Variants in MTA1 observed in about 807,000 individuals in gnomAD.
The protein encoded by MTA1 is metastasis associated 1.
Under a neutral mutation model 97.0 loss-of-function variants are expected in MTA1, and 15 were observed. That is an observed-to-expected ratio of 0.15 (90% CI 0.10 to 0.24). The LOEUF (loss-of-function observed/expected upper bound fraction) is 0.24. Ranked by LOEUF, MTA1 falls within the 10% of genes least tolerant of loss-of-function variation. The probability of loss-of-function intolerance (pLI) is 1.00; values close to 1 mark genes in which losing one functional copy is unlikely to be tolerated. For synonymous variants in MTA1, 435 were observed against 417.5 expected (o/e 1.04, Z -0.51); for missense variants, 709 against 1,015.1 (o/e 0.70, Z 4.10).
chr14:105,445,592 C>T (rs1465077768), intron 3 of MTA1, 81 bp downstream of exon 3: 5 of 1,441,500 alleles, frequency 3.5e-6, no homozygotes, highest in South Asian at 2.3e-5. Flanking sequence ...TTCCCTAGGG[C>T]CCATCGGCAT....
At chr14:105,427,918 C>T (rs1033176913) in intron 1 of MTA1, among the ~76,000 whole-genome samples, 10 of 140,682 alleles carry the variant, frequency 7.1e-5, no homozygotes, top group Admixed American at 3.5e-4. Context: ...CTTGGGAGGC[C>T]GAGGCATGAG....
chr14:105,464,502 T>TA lies in MTA1; in HGVS notation c.1280dup (p.Tyr427Ter). 6.2e-7 allele frequency: 1 copy of TA among 1,613,408 alleles called. No homozygotes were observed. The highest frequency in any genetic ancestry group is 8.5e-7 in the Non-Finnish European group (1 of 1,179,948). Residue 427 changes from tyrosine to a stop codon, truncating the protein, a stop_gained and frameshift_variant, in exon 14 of 21, where the codon TAT (tyrosine) becomes TAAT (stop). Transcript: ENST00000331320. LOFTEE classifies it high-confidence loss of function. Reference sequence around the variant, plus strand: ...ATCTTGTTGGACATATTGGAAGAAATATGGTGGCTTGAAAATGCCAACCCG... The same window carrying TA: ...ATCTTGTTGGACATATTGGAAGAAATAATGGTGGCTTGAAAATGCCAACCCG... ...CASCWTYWKK[Y>*]GGLKMPTRLD...
intron 9 of MTA1, 58 bp from the exon 10 acceptor site, chr14:105,460,707 G>A: frequency 6.7e-7 from 1 of 1,487,446 alleles, no homozygotes; most frequent in Non-Finnish European, 8.9e-7. Context: ...GGGGTACCGT[G>A]CCACAGGTGC....
rs192019411 is a variant in MTA1, at chr14:105,422,235, C to T, written c.28+2172C>T. Among the ~76,000 whole-genome samples the T allele has an allele frequency of 6.9e-3, 1,049 of 152,216 alleles. 19 individuals are homozygous for T. Among genetic ancestry groups the T allele is most frequent in the African/African-American group, 0.023 (976 of 41,534 alleles). On this transcript the variant is annotated intron_variant, in intron 1 of 20. Transcript: ENST00000331320. The surrounding 1 kb of genome is among the most constrained non-coding windows in gnomAD (Gnocchi z 4.3). ...CGGCATTTATCCCTGGCTTCTGGAC[C>T]GGAACCCTGGGTTCCGGCAGGACCC... is the stretch of plus-strand genomic sequence containing the variant.
At position 105,470,124 on chromosome 14, in the gene MTA1, A is replaced by G. The variant is rs1452580419; in HGVS notation, c.2057A>G (p.Lys686Arg). 3 of 1,612,196 alleles carry G rather than the reference A, an allele frequency of 1.9e-6. No homozygotes were observed. ...ETKRAARRPYKPIALRQSQAL... is the reference protein window; with the variant it reads ...ETKRAARRPYRPIALRQSQAL... ...AAGCGTGCTGCCCGCCGGCCCTACA[A>G]GCCCATCGCCCTGCGCCAGAGCCAG... is the stretch of plus-strand genomic sequence containing the variant. The change falls in exon 21 of 21, where the codon AAG (lysine) becomes AGG (arginine). Residue 686 changes from lysine to arginine, a missense_variant. Around this residue, in one of 2 missense-constraint regions of MTA1, gnomAD observed 388 missense variants for 421.6 expected, o/e 0.92. Transcript: ENST00000331320.
At chr14:105,441,459 C>G (rs1397947004) in intron 2 of MTA1, among the ~76,000 whole-genome samples, 1 of 150,768 alleles carries the variant, frequency 6.6e-6, no homozygotes, top group Non-Finnish European at 1.5e-5. Flanking sequence ...TGGGGCGGGG[C>G]GGGGGGGCTT....
intron 1 of MTA1, among the ~76,000 whole-genome samples, chr14:105,437,556 G>A (rs114856108): frequency 0.014 from 2,119 of 152,356 alleles, 56 homozygotes; most frequent in African/African-American, 0.048. Flanking sequence ...TGTGCCAGCA[G>A]CAGGAGGGAG....
intron 7 of MTA1, 90 bp from the exon 8 acceptor site, chr14:105,458,180 T>C (rs956937744): frequency 1.2e-5 from 13 of 1,093,250 alleles, no homozygotes; most frequent in Middle Eastern, 2.3e-4. Context: ...CCCCTCCCCG[T>C]CCCAGCAGCT....
Position 105,420,003 on chromosome 14 carries a change from G to T in MTA1, c.-33G>T. On this transcript the variant is annotated 5_prime_UTR_variant, in exon 1 of 21. Transcript: ENST00000331320. The surrounding 1 kb of genome is among the most constrained non-coding windows in gnomAD (Gnocchi z 5.3). ...GCCGCCCGCGCCGAGCGCCGCGCCCGCCCCGGGCCCCTCCGCCGCCGCCGG... is the reference window on the plus strand; with the variant it reads ...GCCGCCCGCGCCGAGCGCCGCGCCCTCCCCGGGCCCCTCCGCCGCCGCCGG... The T allele has an allele frequency of 1.0e-6, 1 of 996,196 alleles. No individual in the cohort carries two copies. The highest frequency in any genetic ancestry group is 1.2e-6 in the Non-Finnish European group (1 of 844,438). 61.7% of individuals were successfully genotyped at this position (996,196 alleles called of 1,614,324 possible). A position where few individuals can be genotyped will look rare whatever the true frequency, so the allele number is the denominator to read the frequency against.
intron 16 of MTA1, chr14:105,465,421 C>G: frequency 2.7e-6 from 1 of 366,156 alleles, no homozygotes; most frequent in Non-Finnish European, 4.9e-6. Flanking sequence ...GTAGCGGCCG[C>G]CCTGTCTTCT....
At position 105,420,140 on chromosome 14, in the gene MTA1, C is replaced by T. The variant is rs2081776113; in HGVS notation, c.28+77C>T. Reference sequence around the variant, plus strand: ...CCGCCGCCGCTGCCGCCTCCCCCGCCCCTCTGCCCCGCAGGCCCCGCGCCC... The same window carrying T: ...CCGCCGCCGCTGCCGCCTCCCCCGCTCCTCTGCCCCGCAGGCCCCGCGCCC... On this transcript the variant is annotated intron_variant, in intron 1 of 20. Coordinates refer to ENST00000331320, the MANE Select transcript of MTA1 (RefSeq NM_004689.4). The surrounding 1 kb of genome is among the most constrained non-coding windows in gnomAD (Gnocchi z 5.3). 1 of 761,532 alleles carries T rather than the reference C, an allele frequency of 1.3e-6. No homozygotes were observed. The highest frequency in any genetic ancestry group is 1.9e-5 in the African/African-American group (1 of 52,098). 47.2% of individuals were successfully genotyped at this position (761,532 alleles called of 1,614,324 possible).
intron 1 of MTA1, among the ~76,000 whole-genome samples, chr14:105,421,933 A>T (rs1001039672): frequency 6.6e-6 from 1 of 151,844 alleles, no homozygotes; most frequent in Admixed American, 6.6e-5. Flanking sequence ...GGTGGCCTGG[A>T]CTCCTAGGCT....
chr14:105,466,372 G>T, intron 16 of MTA1, 54 bp from the exon 17 acceptor site: 1 of 1,529,574 alleles, frequency 6.5e-7, no homozygotes. Context: ...GGGCCTGCCT[G>T]CCCCTCCCCT....
At chr14:105,466,908 C>G (rs1416637140) in intron 18 of MTA1, 166 bp downstream of exon 18, 2 of 715,912 alleles carry the variant, frequency 2.8e-6, no homozygotes, top group Non-Finnish European at 4.5e-6. Flanking sequence ...ATCACTGGTC[C>G]CTTGGTGAAG....
At chr14:105,430,891 G>A (rs143309718) in intron 1 of MTA1, among the ~76,000 whole-genome samples, 29 of 152,272 alleles carry the variant, frequency 1.9e-4, no homozygotes, top group Non-Finnish European at 3.1e-4. Context: ...GAACACGGCC[G>A]CACTAATGGG....
In MTA1 at chr14:105,470,331, C is replaced by A; in HGVS notation, c.*116C>A. 2 of 849,264 alleles carry A rather than the reference C, an allele frequency of 2.4e-6. No individual in the cohort carries two copies. Among genetic ancestry groups the A allele is most frequent in the Non-Finnish European group, 3.3e-6 (2 of 603,300 alleles). The allele number at this position is 849,264 out of a possible 1,614,324, so 52.6% of individuals were successfully genotyped here. A position where few individuals can be genotyped will look rare whatever the true frequency, so the allele number is the denominator to read the frequency against. On this transcript the variant is annotated 3_prime_UTR_variant, in exon 21 of 21. Coordinates refer to ENST00000331320, the MANE Select transcript of MTA1 (RefSeq NM_004689.4). Reference sequence around the variant, plus strand: ...GTGCCCCACCTCCCGCCCTCACCTGCAGAGAAACGCGCTCCTTGGCGGACA... The same window carrying A: ...GTGCCCCACCTCCCGCCCTCACCTGAAGAGAAACGCGCTCCTTGGCGGACA...
chr14:105,451,185 G>A (rs1041362835), intron 6 of MTA1, among the ~76,000 whole-genome samples: 3 of 152,210 alleles, frequency 2.0e-5, no homozygotes, highest in Non-Finnish European at 4.4e-5. Flanking sequence ...GGCCATCGGC[G>A]CTCTGGCATG....
At chr14:105,445,003 GGCTGCGTCC>G (rs2082667782) in intron 2 of MTA1, among the ~76,000 whole-genome samples, 1 of 152,216 alleles carries the variant, frequency 6.6e-6, no homozygotes, top group African/African-American at 2.4e-5. Context: ...GGGGGGTCCA[GGCTGCGTCC>G]GCCGCTAGGG....
chr14:105,469,676 G>A (rs945166964), intron 19 of MTA1, 165 bp from the exon 20 acceptor site: 2 of 1,221,344 alleles, frequency 1.6e-6, no homozygotes, highest in Non-Finnish European at 2.3e-6. Flanking sequence ...CCAGCGGTGT[G>A]CGGCCGACCA....
Sources: gnomAD v4.1 joint callset for allele counts (sites outside exome capture counted in the v4.1 genomes callset) on GRCh38, gnomAD v4.1.1 for gene constraint, gnomAD v4.1.1 regional missense constraint, Gnocchi (gnomAD v3.1) non-coding constraint, MANE v1.5 for transcripts, NCBI Gene and HGNC (gene_info 2026-07-23, HGNC 2026-07-21) for gene names.